The following DRC8 variants were observed in gnomAD, a reference collection of about 807,000 sequenced individuals.
DRC8 encodes dynein regulatory complex protein 8.
the DRC8 span, among the ~76,000 whole-genome samples, chr1:245,003,104 A>G: frequency 6.6e-6 from 1 of 152,326 alleles, no homozygotes; most frequent in African/African-American, 2.4e-5. Context: ...CATCTACCCT[A>G]TAAGAATGTG....
chr1:245,070,330 C>A, the DRC8 span, among the ~76,000 whole-genome samples: 2 of 152,082 alleles, frequency 1.3e-5, no homozygotes, highest in African/African-American at 4.8e-5. Context: ...AATGAATATT[C>A]CATATTACAT....
At chr1:244,996,170 G>A in the DRC8 span, among the ~76,000 whole-genome samples, 2 of 152,196 alleles carry the variant, frequency 1.3e-5, no homozygotes, top group Non-Finnish European at 2.9e-5. Context: ...GTAATCTGAT[G>A]GATTGGTTGG....
the DRC8 span, among the ~76,000 whole-genome samples, chr1:244,997,565 C>T: frequency 3.8e-4 from 54 of 141,084 alleles, no homozygotes; most frequent in South Asian, 0.01. Flanking sequence ...TTTTTTGAGA[C>T]GGAGTTTCGC....
chr1:244,992,315 C>T, the DRC8 span, among the ~76,000 whole-genome samples: 3 of 152,002 alleles, frequency 2.0e-5, no homozygotes, highest in Non-Finnish European at 2.9e-5. Flanking sequence ...TGAATACTGC[C>T]GCCACAATAA....
At chr1:244,984,129 G>T in the DRC8 span, among the ~76,000 whole-genome samples, 61 of 146,602 alleles carry the variant, frequency 4.2e-4, no homozygotes, top group East Asian at 1.0e-3. Context: ...TAATTTTTTT[G>T]GGGGGGGGGA....
chr1:245,072,319 C>G, the DRC8 span, among the ~76,000 whole-genome samples: 3 of 152,154 alleles, frequency 2.0e-5, no homozygotes, highest in Non-Finnish European at 4.4e-5. Flanking sequence ...CAGGGTCTCA[C>G]TCTGTCACCC....
chr1:245,085,930 A>T, the DRC8 span, among the ~76,000 whole-genome samples: 1 of 152,212 alleles, frequency 6.6e-6, no homozygotes, highest in African/African-American at 2.4e-5. Flanking sequence ...TGAGAGCTGA[A>T]TCCAAAGTAC....
chr1:244,973,253 G>A, the DRC8 span, among the ~76,000 whole-genome samples: 1 of 152,096 alleles, frequency 6.6e-6, no homozygotes, highest in Non-Finnish European at 1.5e-5. Flanking sequence ...TGTTTTATGG[G>A]TACTAAGCTT....
At chr1:245,027,245 A>G in the DRC8 span, among the ~76,000 whole-genome samples, 2 of 131,804 alleles carry the variant, frequency 1.5e-5, no homozygotes, top group Admixed American at 8.9e-5. Context: ...CTACTTCCTG[A>G]AATAATAATT....
chr1:245,024,395 T>A, the DRC8 span, among the ~76,000 whole-genome samples: 1 of 152,156 alleles, frequency 6.6e-6, no homozygotes, highest in Non-Finnish European at 1.5e-5. Context: ...GATGTTGCTA[T>A]CTTGATGATA....
the DRC8 span, chr1:245,059,428 GGAA>G: frequency 1.2e-6 from 2 of 1,612,658 alleles, no homozygotes; most frequent in Non-Finnish European, 1.7e-6. Flanking sequence ...GCTGTCCTAC[GGAA>G]GGAGAGCTGC....
the DRC8 span, among the ~76,000 whole-genome samples, chr1:245,117,548 C>A: frequency 6.6e-6 from 1 of 151,910 alleles, no homozygotes; most frequent in South Asian, 2.1e-4. Flanking sequence ...CTCAGCCTCC[C>A]AAGGAGCTGG....
At chr1:245,013,934 A>T in the DRC8 span, among the ~76,000 whole-genome samples, 1 of 143,766 alleles carries the variant, frequency 7.0e-6, no homozygotes, top group African/African-American at 2.6e-5. Context: ...CCAGAGACTG[A>T]GGCAGGAAAA....
At chr1:245,087,674 TG>T in the DRC8 span, 1 of 1,038,236 alleles carries the variant, frequency 9.6e-7, no homozygotes, top group South Asian at 3.7e-5. Flanking sequence ...AAAATGAAAA[TG>T]ACTTAATTAC....
the DRC8 span, among the ~76,000 whole-genome samples, chr1:245,069,570 AATAG>A: frequency 6.6e-6 from 1 of 152,198 alleles, no homozygotes; most frequent in African/African-American, 2.4e-5. Context: ...AGGTATCCAA[AATAG>A]CCCAACTCCT....
the DRC8 span, among the ~76,000 whole-genome samples, chr1:244,987,227 G>A: frequency 5.3e-5 from 8 of 150,514 alleles, no homozygotes; most frequent in Non-Finnish European, 1.0e-4. Context: ...TTGAGATGGA[G>A]TCTTGCTCTG....
chr1:244,971,958 CAAAAA>C, the DRC8 span, among the ~76,000 whole-genome samples: 1 of 107,244 alleles, frequency 9.3e-6, no homozygotes, highest in East Asian at 2.7e-4. Context: ...TGTTCTTTAC[CAAAAA>C]AAAAAAAAAA....
chr1:245,070,127 T>C, the DRC8 span, among the ~76,000 whole-genome samples: 1 of 152,172 alleles, frequency 6.6e-6, no homozygotes, highest in Admixed American at 6.5e-5. Context: ...TATGAGGAAG[T>C]TGAGTATTTG....
the DRC8 span, among the ~76,000 whole-genome samples, chr1:245,028,551 A>G: frequency 1.8e-4 from 28 of 152,028 alleles, no homozygotes; most frequent in Non-Finnish European, 5.9e-5. Context: ...TGAGAGTGGG[A>G]TGGTGTGCAG....
Sources: allele counts gnomAD v4.1 joint callset (sites outside exome capture counted in the v4.1 genomes callset), GRCh38; gene constraint gnomAD v4.1.1; transcripts MANE v1.5; gene names NCBI Gene and HGNC (gene_info 2026-07-23, HGNC 2026-07-21).